ME3: variants seen among roughly 807,000 people sequenced by gnomAD.
ME3 encodes the protein malic enzyme 3.
ME3 carries 48 observed loss-of-function variants against 68.9 expected under a neutral mutation model. The observed-to-expected ratio is 0.70, with a 90% CI of 0.55 to 0.89. The LOEUF (loss-of-function observed/expected upper bound fraction) is 0.89, where lower values mean the gene tolerates loss of function less well. ME3 is among the 40% of genes least tolerant of loss of function. The pLI is 0.00. For missense variants in ME3, 675 were observed against 797.4 expected, an observed-to-expected ratio of 0.85 and a Z score of 1.85; for synonymous variants, 320 against 318.8, an observed-to-expected ratio of 1.00 and a Z score of -0.04.
chr11:86,580,212 G>C (rs969652575), intron 2 of ME3, among the ~76,000 whole-genome samples: 8 of 152,166 alleles, frequency 5.3e-5, no homozygotes, highest in Admixed American at 2.0e-4. Context: ...TGCTGTTCTA[G>C]ATTGACATTG....
At chr11:86,560,771 T>C (rs1957189593) in intron 2 of ME3, among the ~76,000 whole-genome samples, 1 of 134,178 alleles carries the variant, frequency 7.5e-6, no homozygotes, top group African/African-American at 2.7e-5. Flanking sequence ...TATATATATA[T>C]ATTTCCAGGA....
intron 2 of ME3, among the ~76,000 whole-genome samples, chr11:86,620,506 A>T (rs1271141235): frequency 6.6e-6 from 1 of 152,236 alleles, no homozygotes; most frequent in African/African-American, 2.4e-5. Flanking sequence ...TTAGGATGAC[A>T]TCTAAAAATA....
intron 2 of ME3, among the ~76,000 whole-genome samples, chr11:86,562,940 G>T (rs1384920650): frequency 6.6e-6 from 1 of 152,028 alleles, no homozygotes; most frequent in Non-Finnish European, 1.5e-5. Context: ...TTCTGTTCCT[G>T]CATTAATTCA....
intron 5 of ME3, among the ~76,000 whole-genome samples, chr11:86,507,570 C>G (rs1001905426): frequency 6.6e-6 from 1 of 152,180 alleles, no homozygotes; most frequent in South Asian, 2.1e-4. Flanking sequence ...CCAGAAGTAA[C>G]AATGATCTTA....
chr11:86,668,146 G>A (rs1406419233), intron 2 of ME3: 1 of 152,102 alleles, frequency 6.6e-6, no homozygotes, highest in Admixed American at 6.5e-5. Flanking sequence ...TCATTATTCA[G>A]TAGACTCAAA....
intron 2 of ME3, among the ~76,000 whole-genome samples, chr11:86,591,515 A>G (rs1959059876): frequency 6.6e-6 from 1 of 152,236 alleles, no homozygotes; most frequent in African/African-American, 2.4e-5. Context: ...GAAGGTGGCC[A>G]TCTGTAAGCG....
intron 10 of ME3, among the ~76,000 whole-genome samples, chr11:86,448,539 T>C (rs1428911058): frequency 6.6e-6 from 1 of 152,204 alleles, no homozygotes; most frequent in Admixed American, 6.5e-5. Context: ...TATGGCTTCC[T>C]GGGCCAGGAC....
chr11:86,561,595 T>G (rs1957239072), intron 2 of ME3, among the ~76,000 whole-genome samples: 1 of 152,236 alleles, frequency 6.6e-6, no homozygotes, highest in African/African-American at 2.4e-5. Context: ...CTTGCTAAAC[T>G]GTGAATTCCC....
chr11:86,637,849 C>T (rs1944436008), intron 2 of ME3, among the ~76,000 whole-genome samples: 1 of 152,056 alleles, frequency 6.6e-6, no homozygotes, highest in South Asian at 2.1e-4. Flanking sequence ...ATCCTGAACT[C>T]TGCACACACA....
chr11:86,601,407 A>T (rs1960633932), intron 2 of ME3, among the ~76,000 whole-genome samples: 1 of 152,216 alleles, frequency 6.6e-6, no homozygotes, highest in African/African-American at 2.4e-5. Flanking sequence ...AACCAGGAAG[A>T]AGTTGAATCT....
chr11:86,637,020 A>G (rs1256070891), intron 2 of ME3, among the ~76,000 whole-genome samples: 2 of 152,236 alleles, frequency 1.3e-5, no homozygotes, highest in Non-Finnish European at 2.9e-5. Context: ...TTTGCCTGCC[A>G]TCATTCTTGA....
At chr11:86,589,665 T>G (rs191091141) in intron 2 of ME3, among the ~76,000 whole-genome samples, 32 of 152,310 alleles carry the variant, frequency 2.1e-4, no homozygotes, top group Admixed American at 1.5e-3. Context: ...TTTGAAAAAA[T>G]TATTGGGCTA....
chr11:86,632,413 T>A (rs72957414), intron 2 of ME3, among the ~76,000 whole-genome samples: 10,794 of 152,248 alleles, frequency 0.071, 462 homozygotes, highest in East Asian at 0.14. Context: ...TCCCTGTGCC[T>A]GCTTCTGCCT....
At chr11:86,646,144 C>A (rs746742270) in intron 2 of ME3, among the ~76,000 whole-genome samples, 21 of 152,204 alleles carry the variant, frequency 1.4e-4, no homozygotes, top group Non-Finnish European at 2.8e-4. Flanking sequence ...AATGCTTCTT[C>A]TCCTCAAAAA....
At chr11:86,586,061 A>G (rs1414751989) in intron 2 of ME3, among the ~76,000 whole-genome samples, 1 of 152,230 alleles carries the variant, frequency 6.6e-6, no homozygotes, top group African/African-American at 2.4e-5. Flanking sequence ...GTTTGAGGAA[A>G]GTTGTGACAA....
chr11:86,549,610 C>T lies in ME3; in HGVS notation c.467+6943G>A, dbSNP rs535704737. On this transcript the variant is annotated intron_variant, in intron 4 of 14. Coordinates refer to ENST00000543262, the Ensembl canonical transcript of ME3. The stretch of plus-strand genomic sequence containing the variant: ...ACACGGTTACCTAAATGATTAACCA[C>T]CCTTGAGCCTGATGTTTGCTCCTAT... Among the ~76,000 whole-genome samples the T allele has an allele frequency of 9.8e-5, 15 of 152,326 alleles. 1 individual carries two copies. The highest frequency in any genetic ancestry group is 3.4e-3 in the Middle Eastern group (1 of 292).
intron 2 of ME3, among the ~76,000 whole-genome samples, chr11:86,612,802 G>A (rs1451849363): frequency 6.6e-6 from 1 of 152,062 alleles, no homozygotes; most frequent in Admixed American, 6.5e-5. Context: ...GTAAATTCTG[G>A]ATATTAGACC....
At chr11:86,456,634 G>C (rs1949948077) in intron 8 of ME3, among the ~76,000 whole-genome samples, 1 of 152,068 alleles carries the variant, frequency 6.6e-6, no homozygotes, top group Admixed American at 6.5e-5. Context: ...GGTTTCTCTG[G>C]GGAAGGACGG....
At position 86,629,869 on chromosome 11, in the gene ME3, T is replaced by A. The variant is rs1357401753; in HGVS notation, c.183+41893A>T. Among the ~76,000 whole-genome samples, 3 of 152,150 alleles carry A rather than the reference T, an allele frequency of 2.0e-5. 1 individual carries two copies. In the South Asian group the frequency reaches 6.2e-4, roughly 32 times the overall value. On this transcript the variant is annotated intron_variant, in intron 2 of 14. Transcript: ENST00000543262. ...GATGGCTGAGAACTTGTGATTGAAA[T>A]TGGATGTAAATAACAGTCTAAATGT...
Sources: gnomAD v4.1 joint callset for allele counts (sites outside exome capture counted in the v4.1 genomes callset) on GRCh38, gnomAD v4.1.1 for gene constraint, MANE v1.5 for transcripts, NCBI Gene and HGNC (gene_info 2026-07-23, HGNC 2026-07-21) for gene names.